The following SLC33A2 variants were observed in gnomAD, a reference collection of about 807,000 sequenced individuals.
The protein encoded by SLC33A2 is solute carrier family 33 member 2, also known as major facilitator superfamily domain containing 3.
chr8:144,511,061 G>T, the SLC33A2 span: 2 of 1,607,052 alleles, frequency 1.2e-6, no homozygotes, highest in Non-Finnish European at 1.7e-6. Context: ...CTGGCCGGAG[G>T]CCTGGCTGAT....
chr8:144,511,026 G>A, the SLC33A2 span: 6 of 1,603,438 alleles, frequency 3.7e-6, no homozygotes, highest in Non-Finnish European at 5.1e-6. Flanking sequence ...CGCTGGAGCT[G>A]CTGGGGAAGC....
the SLC33A2 span, chr8:144,510,085 G>A: frequency 2.2e-4 from 339 of 1,511,502 alleles, 2 homozygotes; most frequent in East Asian, 7.7e-3. Flanking sequence ...GTCCCCAGGG[G>A]CTTGCAACCC....
At chr8:144,510,590 C>A in the SLC33A2 span, 5 of 1,588,154 alleles carry the variant, frequency 3.1e-6, no homozygotes, top group Non-Finnish European at 4.3e-6. Flanking sequence ...TTCCCACCCC[C>A]ATCCCAGGAA....
At chr8:144,509,555 G>A in the SLC33A2 span, 2 of 1,517,766 alleles carry the variant, frequency 1.3e-6, no homozygotes, top group African/African-American at 1.4e-5. Flanking sequence ...CGCGCAGCAC[G>A]GCGGGCCTGG....
the SLC33A2 span, chr8:144,510,992 CCA>C: frequency 3.1e-6 from 5 of 1,600,578 alleles, no homozygotes; most frequent in Non-Finnish European, 4.2e-6. Flanking sequence ...CCCCCTCAGG[CCA>C]CACACTACAG....
chr8:144,510,238 C>T, the SLC33A2 span: 9 of 1,470,922 alleles, frequency 6.1e-6, no homozygotes, highest in Non-Finnish European at 8.2e-6. Context: ...CCACTTCTCC[C>T]CCAGTATCTG....
chr8:144,509,665 G>C, the SLC33A2 span: 1 of 1,553,484 alleles, frequency 6.4e-7, no homozygotes, highest in South Asian at 1.2e-5. Flanking sequence ...TTGAACCTGG[G>C]TGCCGCCATG....
At chr8:144,509,442 C>T in the SLC33A2 span, 67 of 1,533,384 alleles carry the variant, frequency 4.4e-5, no homozygotes, top group Non-Finnish European at 5.8e-5. Flanking sequence ...CGGCCTCTCG[C>T]TGACGCGCGT....
the SLC33A2 span, chr8:144,510,794 G>A: frequency 6.2e-7 from 1 of 1,611,438 alleles, no homozygotes; most frequent in Non-Finnish European, 8.5e-7. Context: ...GCCCTCCCAG[G>A]GTCAGCCTTG....
At chr8:144,510,387 C>T in the SLC33A2 span, 4 of 1,612,668 alleles carry the variant, frequency 2.5e-6, no homozygotes, top group African/African-American at 1.3e-5. Flanking sequence ...AGCCTGTTTC[C>T]TCTTCTCCTG....
At chr8:144,509,169 C>CGA in the SLC33A2 span, 1 of 657,280 alleles carries the variant, frequency 1.5e-6, no homozygotes, top group Non-Finnish European at 2.3e-6. Context: ...TCCTAAAGCC[C>CGA]GAGAGCACGT....
chr8:144,511,048 A>G, the SLC33A2 span: 9 of 1,605,540 alleles, frequency 5.6e-6, no homozygotes, highest in African/African-American at 1.3e-5. Context: ...GCTGCTGGGC[A>G]CTCTGGCCGG....
chr8:144,510,038 C>A, the SLC33A2 span: 10 of 1,583,060 alleles, frequency 6.3e-6, no homozygotes, highest in Admixed American at 8.6e-5. Flanking sequence ...TCGAGCCAGG[C>A]AACAGCAGTT....
chr8:144,509,339 C>T, the SLC33A2 span: 55 of 1,464,564 alleles, frequency 3.8e-5, no homozygotes, highest in Admixed American at 4.9e-5. Context: ...CCGCCATGCG[C>T]GGGAAGTTGC....
At chr8:144,509,248 C>T in the SLC33A2 span, 70 of 1,327,428 alleles carry the variant, frequency 5.3e-5, no homozygotes, top group South Asian at 9.4e-5. Flanking sequence ...CGGGGTGTGG[C>T]CTCTGACCCC....
the SLC33A2 span, chr8:144,510,126 A>G: frequency 7.3e-7 from 1 of 1,367,066 alleles, no homozygotes; most frequent in Non-Finnish European, 9.8e-7. Flanking sequence ...CTGGGGTATG[A>G]CCTGCAAGAC....
the SLC33A2 span, chr8:144,509,085 A>AGCCGCCG: frequency 4.9e-5 from 21 of 428,048 alleles, no homozygotes; most frequent in South Asian, 1.2e-3. Context: ...GCATGCCGGG[A>AGCCGCCG]GCCGCCGGCC....
chr8:144,510,985 C>G, the SLC33A2 span: 4 of 1,600,216 alleles, frequency 2.5e-6, no homozygotes, highest in Non-Finnish European at 3.4e-6. Flanking sequence ...CCCCCACCCC[C>G]CTCAGGCCAC....
chr8:144,509,961 C>A, the SLC33A2 span: 1 of 1,595,618 alleles, frequency 6.3e-7, no homozygotes, highest in Non-Finnish European at 8.5e-7. Context: ...GCGGGACGTG[C>A]TAGCCGTGCC....
Sources: allele counts gnomAD v4.1 joint callset, GRCh38; gene constraint gnomAD v4.1.1; transcripts MANE v1.5; gene names NCBI Gene and HGNC (gene_info 2026-07-23, HGNC 2026-07-21).